Variants in STAG1 observed in about 807,000 individuals in gnomAD.
The protein encoded by STAG1 is cohesin subunit SA-1.
In STAG1, 26 loss-of-function variants were observed where a neutral mutation model predicts 170.9. That is an observed-to-expected ratio of 0.15 (90% confidence interval 0.11 to 0.21). The LOEUF (loss-of-function observed/expected upper bound fraction) is 0.21. STAG1 is among the 10% of genes least tolerant of loss of function. The probability of loss-of-function intolerance (pLI) is 1.00; values close to 1 mark genes in which losing one functional copy is unlikely to be tolerated. For missense variants in STAG1, 964 were observed against 1,509.5 expected (o/e 0.64, Z 5.99); for synonymous variants, 514 against 497.7 (o/e 1.03, Z -0.44).
intron 22 of STAG1, among the ~76,000 whole-genome samples, chr3:136,389,205 T>C (rs1308612138): frequency 3.0e-4 from 46 of 152,202 alleles, no homozygotes; most frequent in Admixed American, 2.7e-3. Flanking sequence ...CTTAAGAAGT[T>C]TGGATATTTG....
intron 5 of STAG1, 80 bp downstream of exon 5, chr3:136,568,685 C>G (rs537844408): frequency 4.4e-6 from 4 of 903,808 alleles, no homozygotes; most frequent in Non-Finnish European, 7.2e-6. Flanking sequence ...AAATTATATA[C>G]GACTAGTGGC....
chr3:136,443,514 T>C (rs2088690843), intron 14 of STAG1, 110 bp from the exon 15 acceptor site: 6 of 771,642 alleles, frequency 7.8e-6, no homozygotes, highest in Non-Finnish European at 1.0e-5. Context: ...TTGGTTTCCA[T>C]GATTCTAAAA....
In STAG1 at chr3:136,521,214, A is replaced by C; in HGVS notation, c.675T>G (p.Ala225=). ...VRAFRHTSTL[A]AMKLMTALVN... is the part of the protein sequence containing the mutation. ...GGAAATAAAATGTTAATTACTTACCAGCCAGGGTACTTGTATGCCTAAAAG... is the reference window on the plus strand; with the variant it reads ...GGAAATAAAATGTTAATTACTTACCCGCCAGGGTACTTGTATGCCTAAAAG... The change falls in exon 7 of 34, where the codon GCT becomes GCG. Residue 225 remains alanine, a splice_region_variant and synonymous_variant. Coordinates refer to ENST00000383202, the MANE Select transcript of STAG1 (RefSeq NM_005862.3). The C allele has an allele frequency of 6.2e-7, 1 of 1,612,644 alleles. No individual in the cohort carries two copies. The highest frequency in any genetic ancestry group is 1.3e-5 in the African/African-American group (1 of 75,010).
At chr3:136,714,081 T>C (rs548030533) in intron 1 of STAG1, among the ~76,000 whole-genome samples, 16 of 151,534 alleles carry the variant, frequency 1.1e-4, no homozygotes, top group Admixed American at 9.9e-4. Flanking sequence ...TGGCTCATGC[T>C]CAGGAAGAAC....
intron 5 of STAG1, among the ~76,000 whole-genome samples, chr3:136,553,692 T>G (rs533991185): frequency 4.9e-4 from 75 of 152,352 alleles, no homozygotes; most frequent in Non-Finnish European, 3.2e-4. Flanking sequence ...GGGAATCGCT[T>G]GAACCCAGGA....
chr3:136,597,554 T>C (rs1378534442), intron 4 of STAG1, among the ~76,000 whole-genome samples: 2 of 152,194 alleles, frequency 1.3e-5, no homozygotes, highest in Non-Finnish European at 2.9e-5. Context: ...ATTTTTATTT[T>C]GTACTTCATT....
chr3:136,735,612 G>GT (rs1011950305), intron 1 of STAG1, among the ~76,000 whole-genome samples: 4 of 151,688 alleles, frequency 2.6e-5, no homozygotes, highest in African/African-American at 7.3e-5. Context: ...TAATTTTTGC[G>GT]TTTTTTTATT....
rs561478336 is a variant in STAG1 at position 136,676,275 on chromosome 3, T to A, written c.-83-45294A>T. Among the ~76,000 whole-genome samples, 10 of 152,248 alleles carry A rather than the reference T, an allele frequency of 6.6e-5. 1 individual carries two copies. Among genetic ancestry groups the A allele is most frequent in the Middle Eastern group, 3.2e-3 (1 of 316 alleles). ...CCATTACTGTAGACTTTACAGACAC[T>A]GAACATTTAGGCTACACTAAATTTA... On this transcript the variant is annotated intron_variant, in intron 1 of 33. Transcript: ENST00000383202.
At chr3:136,438,598 T>C (rs2088532345) in intron 15 of STAG1, among the ~76,000 whole-genome samples, 1 of 152,142 alleles carries the variant, frequency 6.6e-6, no homozygotes, top group African/African-American at 2.4e-5. Flanking sequence ...AGTCTAAAGA[T>C]AGATCCCCTA....
At chr3:136,510,470 G>C (rs1382338460) in intron 7 of STAG1, among the ~76,000 whole-genome samples, 2 of 151,658 alleles carry the variant, frequency 1.3e-5, no homozygotes, top group East Asian at 1.9e-4. Flanking sequence ...TGTATTTTTA[G>C]TAGAGATGAG....
intron 12 of STAG1, among the ~76,000 whole-genome samples, chr3:136,469,868 A>G (rs1478758732): frequency 6.6e-6 from 1 of 152,236 alleles, no homozygotes; most frequent in East Asian, 1.9e-4. Flanking sequence ...AAACCTGACA[A>G]AAACAAGCAA....
At chr3:136,593,025 G>T (rs1259563814) in intron 4 of STAG1, among the ~76,000 whole-genome samples, 5 of 152,092 alleles carry the variant, frequency 3.3e-5, no homozygotes, top group Admixed American at 3.3e-4. Flanking sequence ...CAAATTGTGG[G>T]TGCTCACTAG....
intron 26 of STAG1, among the ~76,000 whole-genome samples, chr3:136,359,940 G>T (rs1380656436): frequency 6.6e-6 from 1 of 152,188 alleles, no homozygotes; most frequent in African/African-American, 2.4e-5. Context: ...TAAGAGGTTT[G>T]TTTTTTCACT....
At chr3:136,686,821 C>T (rs925195525) in intron 1 of STAG1, among the ~76,000 whole-genome samples, 6 of 152,088 alleles carry the variant, frequency 3.9e-5, no homozygotes, top group Non-Finnish European at 7.4e-5. Flanking sequence ...TGCATAAATG[C>T]CTCCTTGTTC....
At chr3:136,353,449 C>A (rs1936511265) in intron 28 of STAG1, among the ~76,000 whole-genome samples, 1 of 152,172 alleles carries the variant, frequency 6.6e-6, no homozygotes, top group Non-Finnish European at 1.5e-5. Flanking sequence ...AAAACAAAAT[C>A]ATGAAAGTAG....
In STAG1 at chr3:136,672,757, A is replaced by T. The variant is rs780669929; in HGVS notation, c.-83-41776T>A. On this transcript the variant is annotated intron_variant, in intron 1 of 33. Coordinates refer to ENST00000383202, the MANE Select transcript of STAG1 (RefSeq NM_005862.3). ...AAGATACATGCTAGTCATATGTGCC[A>T]GTCAAAAGAAGATACAGAGAATTCA... is the stretch of plus-strand genomic sequence containing the variant. Among the ~76,000 whole-genome samples, 6 of 152,224 alleles carry T rather than the reference A, an allele frequency of 3.9e-5. No individual in the cohort carries two copies. The South Asian group carries it at 1.2e-3, about 31-fold the overall frequency.
rs1475133620 is a variant in STAG1, at chr3:136,422,847, T to A, written c.1754A>T (p.Asp585Val). The A allele has an allele frequency of 6.2e-7, 1 of 1,607,452 alleles. No homozygotes were observed. The highest frequency in any genetic ancestry group is 8.5e-7 in the Non-Finnish European group (1 of 1,178,010). The part of the protein sequence containing the change: ...LPMLLSKYSA[D>V]AEKVANLLQI... Reference sequence around the variant, plus strand: ...TAGCAAGTTTGCTACCTTCTCTGCATCTGCAGAATACTAGAAGGAGAAGCA... The same window carrying A: ...TAGCAAGTTTGCTACCTTCTCTGCAACTGCAGAATACTAGAAGGAGAAGCA... Residue 585 changes from aspartate (D) to valine (V), a missense_variant, in exon 18 of 34, where the codon GAT becomes GTT. Physicochemically the swap from Asp to Val is radical, Grantham distance 152. Around this residue, in one of 11 missense-constraint regions of STAG1, gnomAD observed 232 missense variants for 313.0 expected, o/e 0.74. Transcript: ENST00000383202.
intron 1 of STAG1, among the ~76,000 whole-genome samples, chr3:136,644,521 G>A (rs985324244): frequency 3.3e-5 from 5 of 152,154 alleles, no homozygotes; most frequent in South Asian, 4.2e-4. Context: ...AAAAACCCAC[G>A]GAATTAGTAA....
intron 1 of STAG1, among the ~76,000 whole-genome samples, chr3:136,639,962 T>C (rs1940730076): frequency 6.6e-6 from 1 of 152,190 alleles, no homozygotes; most frequent in African/African-American, 2.4e-5. Flanking sequence ...CTCCCACAAT[T>C]TATAACTCAA....
Sources: gnomAD v4.1 joint callset for allele counts (sites outside exome capture counted in the v4.1 genomes callset) on GRCh38, gnomAD v4.1.1 for gene constraint, gnomAD v4.1.1 regional missense constraint, MANE v1.5 for transcripts, NCBI Gene and HGNC (gene_info 2026-07-23, HGNC 2026-07-21) for gene names.